Variants in MAGI1 observed in about 807,000 individuals in gnomAD.
MAGI1 encodes membrane associated guanylate kinase, WW and PDZ domain containing 1.
A neutral mutation model predicts 139.9 loss-of-function variants in MAGI1; 58 were observed. The ratio of observed to expected loss-of-function variants is 0.41; its 90% CI spans 0.34 to 0.52. The LOEUF is 0.52. Ranked by LOEUF, MAGI1 falls within the 20% of genes least tolerant of loss-of-function variation. The probability of loss-of-function intolerance (pLI) is 0.12; values close to 1 mark genes in which losing one functional copy is unlikely to be tolerated. For missense variants in MAGI1, 1,874 were observed against 1,901.6 expected (o/e 0.99, Z 0.27); for synonymous variants, 812 against 737.9 (o/e 1.10, Z -1.63).
At chr3:65,364,995 T>C in intron 18 of MAGI1, 49 bp from the exon 19 acceptor site, 1 of 1,497,720 alleles carries the variant, frequency 6.7e-7, no homozygotes, top group Non-Finnish European at 9.3e-7. Context: ...AGAGAAGACA[T>C]CCTCCAGCCA....
chr3:65,824,257 G>A (rs1468501675), intron 1 of MAGI1, among the ~76,000 whole-genome samples: 2 of 152,160 alleles, frequency 1.3e-5, no homozygotes, highest in African/African-American at 4.8e-5. Flanking sequence ...AGCCCATGTG[G>A]GATCTTGGAG....
At chr3:65,904,328 C>CAAAG (rs1406998003) in intron 1 of MAGI1, among the ~76,000 whole-genome samples, 1 of 152,192 alleles carries the variant, frequency 6.6e-6, no homozygotes, top group Admixed American at 6.5e-5. Flanking sequence ...CACACAATCT[C>CAAAG]AGGCCCCTTC....
At chr3:65,694,746 G>A (rs1482365687) in intron 1 of MAGI1, among the ~76,000 whole-genome samples, 1 of 152,154 alleles carries the variant, frequency 6.6e-6, no homozygotes, top group Non-Finnish European at 1.5e-5. Flanking sequence ...CTCAAAGCAA[G>A]GTCCTCTAAT....
chr3:65,462,250 A>C (rs1179759215), intron 5 of MAGI1, among the ~76,000 whole-genome samples: 2 of 152,156 alleles, frequency 1.3e-5, no homozygotes, highest in Non-Finnish European at 2.9e-5. Flanking sequence ...TTATGGTTTT[A>C]GGTCTTATGT....
chr3:65,908,708 A>G (rs1479142147), intron 1 of MAGI1, among the ~76,000 whole-genome samples: 4 of 152,216 alleles, frequency 2.6e-5, no homozygotes, highest in Non-Finnish European at 5.9e-5. Flanking sequence ...TGAGCTGTCC[A>G]GCGTAAAGGA....
chr3:65,986,913 C>T (rs1209648990), intron 1 of MAGI1, among the ~76,000 whole-genome samples: 1 of 149,912 alleles, frequency 6.7e-6, no homozygotes, highest in African/African-American at 2.5e-5. Flanking sequence ...CTCTGTTGCC[C>T]AGGCTGGAGT....
intron 1 of MAGI1, among the ~76,000 whole-genome samples, chr3:65,656,614 G>A (rs76306844): frequency 0.013 from 1,923 of 152,050 alleles, 44 homozygotes; most frequent in African/African-American, 0.041. Flanking sequence ...GGTGGGAGGC[G>A]GATTTGAAGA....
chr3:65,867,558 G>C (rs564653485), intron 1 of MAGI1, among the ~76,000 whole-genome samples: 101 of 152,168 alleles, frequency 6.6e-4, no homozygotes, highest in Non-Finnish European at 1.2e-3. Flanking sequence ...AACATATGGA[G>C]ACCCTGATTC....
chr3:65,902,848 TG>T (rs1252931168), intron 1 of MAGI1: 1 of 152,742 alleles, frequency 6.5e-6, no homozygotes, highest in East Asian at 1.9e-4. Flanking sequence ...AAATGAAAAT[TG>T]CCTTAAGGAG....
rs1559555009 is a variant in MAGI1, at chr3:65,439,910, C to T, written c.1239G>A (p.Gln413=). Residue 413 remains glutamine (Q), a synonymous_variant, in exon 9 of 23, where the codon CAG becomes CAA. Coordinates refer to ENST00000402939, the MANE Select transcript of MAGI1 (RefSeq NM_001033057.2). ...QQQQQQQQQQ[Q]QQQQQQQQTE... is the part of the protein sequence containing the mutation. Reference sequence around the variant, plus strand: ...TCTGCTGCTGCTGCTGCTGCTGCTGCTGCTGTTGCTGCTGCTGTTGCTGCT... The same window carrying T: ...TCTGCTGCTGCTGCTGCTGCTGCTGTTGCTGTTGCTGCTGCTGTTGCTGCT... 2 of 1,590,682 alleles carry T rather than the reference C, an allele frequency of 1.3e-6. No homozygotes were observed. The highest frequency in any genetic ancestry group is 1.7e-5 in the Admixed American group (1 of 59,498).
At chr3:65,374,766 C>T (rs1347248380) in intron 18 of MAGI1, among the ~76,000 whole-genome samples, 1 of 152,176 alleles carries the variant, frequency 6.6e-6, no homozygotes, top group Non-Finnish European at 1.5e-5. Context: ...CCACTGCAGA[C>T]AATGCCAATG....
chr3:65,393,675 C>G (rs144875616), intron 13 of MAGI1, among the ~76,000 whole-genome samples: 1 of 152,300 alleles, frequency 6.6e-6, no homozygotes, highest in Non-Finnish European at 1.5e-5. Flanking sequence ...AAGGACCACT[C>G]TCTTTTGGTT....
chr3:65,597,916 A>AGGGG (rs1576434077), intron 2 of MAGI1: 1 of 224,754 alleles, frequency 4.4e-6, no homozygotes, highest in Admixed American at 5.4e-5. Flanking sequence ...CTGTAAAGAG[A>AGGGG]GGCGGGGGTG....
chr3:65,983,062 G>A (rs962744836), intron 1 of MAGI1, among the ~76,000 whole-genome samples: 1 of 152,126 alleles, frequency 6.6e-6, no homozygotes, highest in African/African-American at 2.4e-5. Flanking sequence ...TGGGACCACA[G>A]GCTCATGCTG....
At chr3:65,571,779 G>C (rs1459769177) in intron 2 of MAGI1, among the ~76,000 whole-genome samples, 2 of 151,978 alleles carry the variant, frequency 1.3e-5, no homozygotes, top group East Asian at 3.9e-4. Flanking sequence ...CTCTGTGTTT[G>C]ATTTTGTCCC....
intron 1 of MAGI1, among the ~76,000 whole-genome samples, chr3:65,987,195 C>A (rs2065926172): frequency 6.6e-6 from 1 of 152,098 alleles, no homozygotes; most frequent in Non-Finnish European, 1.5e-5. Flanking sequence ...GCCTACCTGT[C>A]AAGGGATACC....
At chr3:65,867,376 C>T (rs963454165) in intron 1 of MAGI1, among the ~76,000 whole-genome samples, 4 of 152,164 alleles carry the variant, frequency 2.6e-5, no homozygotes, top group Non-Finnish European at 5.9e-5. Context: ...TAGAACAATT[C>T]CTAAAAAGTT....
At chr3:65,357,193 G>A (rs1940257144) in intron 22 of MAGI1, 61 bp from the exon 23 acceptor site, 5 of 1,520,016 alleles carry the variant, frequency 3.3e-6, no homozygotes, top group Non-Finnish European at 4.4e-6. Flanking sequence ...TCCTGTCCCC[G>A]TTCCCACCCA....
chr3:65,578,925 GAGAGAGAGAGAGAGAGAGAGAC>G (rs1483100061), intron 2 of MAGI1, among the ~76,000 whole-genome samples: 1 of 78,156 alleles, frequency 1.3e-5, no homozygotes, highest in Non-Finnish European at 3.1e-5. Context: ...TGTCTCCAAA[GAGAGAGAGAGAGAGAGAGAGAC>G]AGAGAGAGAG....
Sources: allele counts gnomAD v4.1 joint callset (sites outside exome capture counted in the v4.1 genomes callset), GRCh38; gene constraint gnomAD v4.1.1; transcripts MANE v1.5; gene names NCBI Gene and HGNC (gene_info 2026-07-23, HGNC 2026-07-21).